FARS2: variants seen among roughly 807,000 people sequenced by gnomAD.
FARS2 encodes the protein phenylalanyl-tRNA synthetase 2, mitochondrial, also known as phenylalanine--tRNA ligase, mitochondrial.
In FARS2, 40 loss-of-function variants were observed where a neutral mutation model predicts 46.4. The ratio of observed to expected loss-of-function variants is 0.86; its 90% confidence interval spans 0.67 to 1.12. The LOEUF (loss-of-function observed/expected upper bound fraction) is 1.12. Ranked by LOEUF, FARS2 falls within the 50% of genes most tolerant of loss-of-function variation. The pLI, the probability that FARS2 is intolerant of heterozygous loss-of-function variation, is 0.00. For missense variants in FARS2, 513 were observed against 567.9 expected, an observed-to-expected ratio of 0.90 and a Z score of 0.98; for synonymous variants, 234 against 214.9, an observed-to-expected ratio of 1.09 and a Z score of -0.78.
chr6:5,372,462 G>T (rs547774532), intron 2 of FARS2, among the ~76,000 whole-genome samples: 1 of 152,094 alleles, frequency 6.6e-6, no homozygotes, highest in African/African-American at 2.4e-5. Context: ...AATTACTTAT[G>T]CATTACTAAT....
intron 4 of FARS2, among the ~76,000 whole-genome samples, chr6:5,532,783 T>TAAGAAGAAGAAGAAGAAGAAGAAGAAG (rs756604628): frequency 2.9e-5 from 4 of 138,668 alleles, no homozygotes; most frequent in African/African-American, 1.2e-4. Context: ...ATAATAATAA[T>TAAGAAGAAGAAGAAGAAGAAGAAGAAG]AAGAAGAAGA....
At chr6:5,685,958 C>T (rs961217041) in intron 6 of FARS2, among the ~76,000 whole-genome samples, 1 of 152,166 alleles carries the variant, frequency 6.6e-6, no homozygotes, top group Non-Finnish European at 1.5e-5. Flanking sequence ...CAAGACCACT[C>T]GGAGGATATT....
intron 1 of FARS2, among the ~76,000 whole-genome samples, chr6:5,279,374 C>CAA (rs34624808): frequency 9.9e-6 from 1 of 100,634 alleles, no homozygotes; most frequent in African/African-American, 4.3e-5. Flanking sequence ...GACTCCCTCT[C>CAA]AAAAAAAAAA....
intron 6 of FARS2, among the ~76,000 whole-genome samples, chr6:5,726,136 A>G (rs1009606): frequency 0.79 from 119,481 of 152,104 alleles, 50,650 homozygotes; most frequent in East Asian, 0.96. Flanking sequence ...CACTCACATA[A>G]GTAGAAACCT....
chr6:5,374,882 A>G (rs1455913066), intron 2 of FARS2, among the ~76,000 whole-genome samples: 1 of 152,126 alleles, frequency 6.6e-6, no homozygotes, highest in South Asian at 2.1e-4. Flanking sequence ...GCATTTGATG[A>G]CATTAATGAC....
At chr6:5,649,395 G>A (rs912142590) in intron 6 of FARS2, among the ~76,000 whole-genome samples, 13 of 152,094 alleles carry the variant, frequency 8.5e-5, no homozygotes, top group Admixed American at 2.6e-4. Context: ...TCTGTCCCCA[G>A]TACACATTGT....
intron 1 of FARS2, among the ~76,000 whole-genome samples, chr6:5,340,875 C>T (rs1382416410): frequency 1.3e-5 from 2 of 151,852 alleles, no homozygotes; most frequent in Admixed American, 6.6e-5. Context: ...AGGCCGGGCG[C>T]GGTGGCTCAC....
chr6:5,290,358 A>G (rs574819004), intron 1 of FARS2, among the ~76,000 whole-genome samples: 1 of 152,322 alleles, frequency 6.6e-6, no homozygotes, highest in African/African-American at 2.4e-5. Flanking sequence ...AAACCATGGT[A>G]TCTCACAGAC....
chr6:5,488,533 A>G (rs189088977), intron 4 of FARS2, among the ~76,000 whole-genome samples: 2 of 152,304 alleles, frequency 1.3e-5, no homozygotes, highest in African/African-American at 4.8e-5. Flanking sequence ...TCACCTGTTC[A>G]TGCTCAAATG....
chr6:5,546,806 T>C (rs1391671129), intron 5 of FARS2, among the ~76,000 whole-genome samples: 1 of 152,026 alleles, frequency 6.6e-6, no homozygotes, highest in Non-Finnish European at 1.5e-5. Context: ...CAGATAACTG[T>C]ATTTATCAAT....
intron 6 of FARS2, among the ~76,000 whole-genome samples, chr6:5,626,774 A>G (rs1377583562): frequency 6.6e-6 from 1 of 152,240 alleles, no homozygotes; most frequent in African/African-American, 2.4e-5. Flanking sequence ...AACTATAGTC[A>G]TGCATCACTT....
At chr6:5,702,117 T>C (rs1365131030) in intron 6 of FARS2, among the ~76,000 whole-genome samples, 1 of 152,226 alleles carries the variant, frequency 6.6e-6, no homozygotes, top group Non-Finnish European at 1.5e-5. Flanking sequence ...AGATGGAAAC[T>C]TTGGTGTAGC....
At chr6:5,492,999 A>AT (rs780344769) in intron 4 of FARS2, among the ~76,000 whole-genome samples, 7 of 152,072 alleles carry the variant, frequency 4.6e-5, no homozygotes, top group East Asian at 3.9e-4. Flanking sequence ...GCATCTACAC[A>AT]TTTTTTTCCT....
chr6:5,301,113 T>C (rs2127533282), intron 1 of FARS2, among the ~76,000 whole-genome samples: 1 of 152,260 alleles, frequency 6.6e-6, no homozygotes. Flanking sequence ...TGGTATGATT[T>C]TTTTCTAGTC....
chr6:5,614,933 T>C (rs1775392965), intron 6 of FARS2, among the ~76,000 whole-genome samples: 1 of 152,226 alleles, frequency 6.6e-6, no homozygotes, highest in Non-Finnish European at 1.5e-5. Flanking sequence ...TGGTCTTTCT[T>C]TTTGGGAGGA....
At chr6:5,269,603 G>A (rs1180766840) in intron 1 of FARS2, among the ~76,000 whole-genome samples, 3 of 152,002 alleles carry the variant, frequency 2.0e-5, no homozygotes, top group Non-Finnish European at 2.9e-5. Context: ...TGTATTAGCC[G>A]CCATCTCTTG....
intron 5 of FARS2, among the ~76,000 whole-genome samples, chr6:5,557,027 T>C (rs1271432298): frequency 6.6e-6 from 1 of 152,140 alleles, no homozygotes; most frequent in Non-Finnish European, 1.5e-5. Context: ...TGGTGGATTA[T>C]AGAGTTAAAA....
At chr6:5,515,919 C>G (rs1768758561) in intron 4 of FARS2, among the ~76,000 whole-genome samples, 2 of 152,180 alleles carry the variant, frequency 1.3e-5, no homozygotes, top group African/African-American at 4.8e-5. Flanking sequence ...TTACAGTACT[C>G]AACTTCAAGA....
Position 5,663,268 on chromosome 6 carries a change from G to T in FARS2, c.1217+49948G>T, listed in dbSNP as rs556444379. 9.2e-5 allele frequency among the ~76,000 whole-genome samples: 14 copies of T among 152,236 alleles called. No homozygotes were observed. The East Asian group carries it at 9.6e-4, about 10-fold the overall frequency. On this transcript the variant is annotated intron_variant, in intron 6 of 6. Coordinates refer to ENST00000274680, the MANE Select transcript of FARS2 (RefSeq NM_006567.5). ...ACTGAATGGCTCTTCAATGTAGGGAGTATCTTAGCCAGCTTGGCACAAATA... is the reference window on the plus strand; with the variant it reads ...ACTGAATGGCTCTTCAATGTAGGGATTATCTTAGCCAGCTTGGCACAAATA...
Sources: allele counts gnomAD v4.1 joint callset (sites outside exome capture counted in the v4.1 genomes callset), GRCh38; gene constraint gnomAD v4.1.1; transcripts MANE v1.5; gene names NCBI Gene and HGNC (gene_info 2026-07-23, HGNC 2026-07-21).